The following CDH10 variants were observed in gnomAD, a reference collection of about 807,000 sequenced individuals.
CDH10 encodes cadherin 10.
In CDH10, 30 loss-of-function variants were observed where a neutral mutation model predicts 73.1. The ratio of observed to expected loss-of-function variants is 0.41; its 90% CI spans 0.31 to 0.56. The LOEUF is 0.56. Among genes scored for constraint, CDH10 ranks in the 20% least tolerant of loss-of-function variants. The probability of loss-of-function intolerance (pLI) is 0.27; values close to 1 mark genes in which losing one functional copy is unlikely to be tolerated. For missense variants in CDH10, 815 were observed against 973.7 expected (o/e 0.84, Z 2.17); for synonymous variants, 345 against 348.2 (o/e 0.99, Z 0.10).
intron 2 of CDH10, among the ~76,000 whole-genome samples, chr5:24,582,222 CAT>C (rs1023803568): frequency 6.6e-6 from 1 of 152,138 alleles, no homozygotes; most frequent in African/African-American, 2.4e-5. Flanking sequence ...TATTGCATAA[CAT>C]ATCCATTGAT....
intron 8 of CDH10, among the ~76,000 whole-genome samples, chr5:24,498,908 T>C (rs971151423): frequency 1.3e-5 from 2 of 152,152 alleles, no homozygotes; most frequent in Admixed American, 1.3e-4. Flanking sequence ...AAATAGTTTT[T>C]TTTGTTTGTT....
intron 1 of CDH10, among the ~76,000 whole-genome samples, chr5:24,638,604 A>G (rs1050883902): frequency 6.6e-6 from 1 of 151,844 alleles, no homozygotes; most frequent in Non-Finnish European, 1.5e-5. Context: ...ATTCAAATTT[A>G]GGGAGCCAAA....
intron 1 of CDH10, among the ~76,000 whole-genome samples, chr5:24,614,414 T>G (rs763812877): frequency 6.6e-6 from 1 of 152,206 alleles, no homozygotes; most frequent in Admixed American, 6.5e-5. Flanking sequence ...TCCCTCCTGA[T>G]CCAATGTTAC....
intron 2 of CDH10, among the ~76,000 whole-genome samples, chr5:24,564,205 G>A (rs2112000048): frequency 6.6e-6 from 1 of 152,272 alleles, no homozygotes; most frequent in Non-Finnish European, 1.5e-5. Context: ...AGAAATATTT[G>A]TACACACACA....
At chr5:24,538,224 C>T (rs901636822) in intron 2 of CDH10, among the ~76,000 whole-genome samples, 1 of 152,042 alleles carries the variant, frequency 6.6e-6, no homozygotes, top group African/African-American at 2.4e-5. Context: ...ACAGCGATTA[C>T]CCCACAAATA....
chr5:24,591,361 TGA>T (rs1441335741), intron 2 of CDH10, among the ~76,000 whole-genome samples: 2 of 151,944 alleles, frequency 1.3e-5, no homozygotes, highest in South Asian at 2.1e-4. Flanking sequence ...CAGAGAAGTG[TGA>T]GAGTTACAAC....
chr5:24,562,768 T>C (rs1745005614), intron 2 of CDH10, among the ~76,000 whole-genome samples: 1 of 152,210 alleles, frequency 6.6e-6, no homozygotes, highest in Admixed American at 6.5e-5. Flanking sequence ...GATTAGTAAA[T>C]AGAAATACAA....
intron 2 of CDH10, among the ~76,000 whole-genome samples, chr5:24,558,097 A>G (rs1579805706): frequency 1.3e-5 from 2 of 151,788 alleles, no homozygotes; most frequent in South Asian, 4.1e-4. Flanking sequence ...ATATTTTGAG[A>G]ATGTAGAATA....
At chr5:24,499,106 T>G (rs193145284) in intron 8 of CDH10, among the ~76,000 whole-genome samples, 4 of 152,220 alleles carry the variant, frequency 2.6e-5, no homozygotes, top group African/African-American at 9.6e-5. Context: ...CTGTGACTAC[T>G]TTTATCACCA....
intron 1 of CDH10, among the ~76,000 whole-genome samples, chr5:24,619,107 C>T (rs1051236716): frequency 6.6e-6 from 1 of 152,140 alleles, no homozygotes; most frequent in Non-Finnish European, 1.5e-5. Flanking sequence ...AAGTACATAA[C>T]ATGTTTGATT....
At chr5:24,608,083 A>ATATTTT (rs1418601797) in intron 1 of CDH10, among the ~76,000 whole-genome samples, 6 of 152,176 alleles carry the variant, frequency 3.9e-5, no homozygotes, top group African/African-American at 1.4e-4. Context: ...ATAATATTTC[A>ATATTTT]TATTTTTAAA....
Position 24,602,856 on chromosome 5 carries a change from G to T in CDH10, c.-123-9243C>A, listed in dbSNP as rs59536298. Among the ~76,000 whole-genome samples the T allele has an allele frequency of 6.9e-3, 1,050 of 152,174 alleles. 17 individuals are homozygous for T. The highest frequency in any genetic ancestry group is 0.024 in the African/African-American group (999 of 41,534). ...TTCTTACTCCCCTAACTCAGCTATG[G>T]AATAAAAATATGGAGTCATAAGGGA... On this transcript the variant is annotated intron_variant, in intron 1 of 11. Transcript: ENST00000264463.
At chr5:24,538,668 C>T (rs1744045188) in intron 2 of CDH10, among the ~76,000 whole-genome samples, 1 of 150,864 alleles carries the variant, frequency 6.6e-6, no homozygotes, top group Non-Finnish European at 1.5e-5. Context: ...CTGAGTCTAA[C>T]CTTTGGGCAA....
intron 9 of CDH10, among the ~76,000 whole-genome samples, chr5:24,498,188 T>G (rs372945121): frequency 6.6e-6 from 1 of 152,198 alleles, no homozygotes; most frequent in Admixed American, 6.5e-5. Context: ...TATTCACACA[T>G]TAGAACTTTA....
At chr5:24,622,393 T>C (rs1192600377) in intron 1 of CDH10, among the ~76,000 whole-genome samples, 1 of 152,142 alleles carries the variant, frequency 6.6e-6, no homozygotes, top group Non-Finnish European at 1.5e-5. Context: ...AGAAGGGACA[T>C]TTTCCTGGCT....
intron 1 of CDH10, among the ~76,000 whole-genome samples, chr5:24,618,686 T>A (rs373824639): frequency 6.6e-6 from 1 of 152,174 alleles, no homozygotes; most frequent in Admixed American, 6.5e-5. Flanking sequence ...GAAAAAGTTA[T>A]ATTGTGTAAT....
chr5:24,577,225 G>A (rs539195234), intron 2 of CDH10, among the ~76,000 whole-genome samples: 1 of 152,126 alleles, frequency 6.6e-6, no homozygotes, highest in African/African-American at 2.4e-5. Flanking sequence ...ATAAACCACA[G>A]AATTTATTTA....
Position 24,487,606 on chromosome 5 carries a change from T to A in CDH10, c.*57A>T, listed in dbSNP as rs1741885788. ...CTCCTGAATATCAAATATTGTGAAG[T>A]GGAGACAGCATGGGTAGAGTTACTT... On this transcript the variant is annotated 3_prime_UTR_variant, in exon 12 of 12. Coordinates refer to ENST00000264463, the MANE Select transcript of CDH10 (RefSeq NM_006727.5). The A allele has an allele frequency of 1.3e-6, 2 of 1,508,850 alleles. No homozygotes were observed. Among genetic ancestry groups the A allele is most frequent in the African/African-American group, 2.8e-5 (2 of 71,612 alleles). 93.5% of individuals were successfully genotyped at this position (1,508,850 alleles called of 1,614,324 possible).
At chr5:24,510,819 T>A (rs1742877293) in intron 6 of CDH10, among the ~76,000 whole-genome samples, 1 of 152,204 alleles carries the variant, frequency 6.6e-6, no homozygotes, top group South Asian at 2.1e-4. Context: ...TTAGATTGTA[T>A]CACTGAGCAT....
Sources: gnomAD v4.1 joint callset for allele counts (sites outside exome capture counted in the v4.1 genomes callset) on GRCh38, gnomAD v4.1.1 for gene constraint, MANE v1.5 for transcripts, NCBI Gene and HGNC (gene_info 2026-07-23, HGNC 2026-07-21) for gene names.